Variants in PRH1 observed in about 807,000 individuals in gnomAD.
The protein encoded by PRH1 is salivary acidic proline-rich phosphoprotein 1/2.
A neutral mutation model predicts 7.9 loss-of-function variants in PRH1; 7 were observed. The observed-to-expected ratio is 0.89, with a 90% CI of 0.50 to 1.67. The LOEUF is 1.67. Ranked by LOEUF, PRH1 falls within the 40% of genes most tolerant of loss-of-function variation. The pLI is 0.00. For missense variants in PRH1, 109 were observed against 223.6 expected (o/e 0.49, Z 3.27); for synonymous variants, 45 against 80.8 (o/e 0.56, Z 2.38).
chr12:10,962,862 T>C (rs868843642), intron 2 of PRH1, among the ~76,000 whole-genome samples: 1 of 152,180 alleles, frequency 6.6e-6, no homozygotes, highest in Non-Finnish European at 1.5e-5. Context: ...CTCCGCCTCC[T>C]GGGTTCATGC....
At chr12:10,920,533 A>G (rs1397003312) in intron 2 of PRH1, among the ~76,000 whole-genome samples, 1 of 152,102 alleles carries the variant, frequency 6.6e-6, no homozygotes, top group Non-Finnish European at 1.5e-5. Flanking sequence ...TAAGAAAGGG[A>G]ATTTTTTTAA....
intron 1 of PRH1, among the ~76,000 whole-genome samples, chr12:11,151,329 C>T (rs929122325): frequency 5.3e-5 from 8 of 151,576 alleles, no homozygotes; most frequent in African/African-American, 7.3e-5. Flanking sequence ...GCTGCTCTCT[C>T]GGGATCTTGC....
intron 2 of PRH1, among the ~76,000 whole-genome samples, chr12:10,971,542 T>C (rs141346474): frequency 7.9e-5 from 12 of 152,306 alleles, no homozygotes; most frequent in African/African-American, 2.2e-4. Context: ...TTCTCAACTT[T>C]AGCTATGAAA....
intron 1 of PRH1, among the ~76,000 whole-genome samples, chr12:11,132,010 G>A (rs1012676270): frequency 2.0e-5 from 3 of 152,098 alleles, no homozygotes; most frequent in South Asian, 2.1e-4. Flanking sequence ...ATTGTACTGA[G>A]GAAGATACAT....
intron 1 of PRH1, among the ~76,000 whole-genome samples, chr12:11,021,072 A>G (rs1454397034): frequency 2.0e-5 from 3 of 150,472 alleles, no homozygotes; most frequent in Non-Finnish European, 4.4e-5. Flanking sequence ...CTGTTTTGGT[A>G]TACATATACA....
intron 1 of PRH1, among the ~76,000 whole-genome samples, chr12:11,017,041 T>C (rs1941328659): frequency 1.3e-5 from 2 of 152,248 alleles, no homozygotes; most frequent in Admixed American, 1.3e-4. Flanking sequence ...TTTAAATCAC[T>C]ACTTACAAAT....
At chr12:11,042,864 C>T (rs1565585955) in intron 1 of PRH1, among the ~76,000 whole-genome samples, 1 of 151,826 alleles carries the variant, frequency 6.6e-6, no homozygotes, top group Non-Finnish European at 1.5e-5. Flanking sequence ...CTCCTGACCT[C>T]GTGATCCACC....
intron 1 of PRH1, among the ~76,000 whole-genome samples, chr12:11,164,795 T>G (rs909071750): frequency 1.3e-5 from 2 of 152,226 alleles, no homozygotes; most frequent in Admixed American, 1.3e-4. Context: ...ATATAATTTT[T>G]ATAAATTATA....
chr12:11,024,671 T>A (rs1418255498), intron 1 of PRH1, among the ~76,000 whole-genome samples: 1 of 152,086 alleles, frequency 6.6e-6, no homozygotes, highest in Non-Finnish European at 1.5e-5. Context: ...TTTACTGTAA[T>A]TATTTATCCA....
At chr12:10,972,935 C>CCCCCCCCCCCCCCCCCCCCCCCCCCCCCA (rs1555119327) in intron 2 of PRH1, among the ~76,000 whole-genome samples, 1 of 123,070 alleles carries the variant, frequency 8.1e-6, no homozygotes, top group African/African-American at 3.0e-5. Context: ...ACAACCCACC[C>CCCCCCCCCCCCCCCCCCCCCCCCCCCCCA]CCCCCGCCCG....
chr12:11,100,632 A>G (rs928475652), intron 1 of PRH1, among the ~76,000 whole-genome samples: 5 of 152,230 alleles, frequency 3.3e-5, no homozygotes, highest in Admixed American at 6.5e-5. Context: ...TCAAATAGTA[A>G]AACAGTACTT....
intron 1 of PRH1, among the ~76,000 whole-genome samples, chr12:11,098,736 G>C (rs1157406786): frequency 6.6e-6 from 1 of 152,152 alleles, no homozygotes; most frequent in East Asian, 1.9e-4. Flanking sequence ...ATTTTCTTGA[G>C]AACCACAGGC....
At chr12:10,891,459 C>T (rs529307371) in intron 2 of PRH1, 1 of 152,306 alleles carries the variant, frequency 6.6e-6, no homozygotes, top group African/African-American at 2.4e-5. Context: ...TAATGAGCAA[C>T]ATAATAGAAG....
intron 1 of PRH1, among the ~76,000 whole-genome samples, chr12:11,016,176 C>T (rs1941285664): frequency 6.6e-6 from 1 of 152,164 alleles, no homozygotes. Flanking sequence ...ATTCAACTGT[C>T]TGATAGATAA....
At chr12:11,051,882 C>T (rs1278516515), upstream of PRH1, among the ~76,000 whole-genome samples, 1 of 150,636 alleles carries the variant, frequency 6.6e-6, no homozygotes, top group East Asian at 2.0e-4. Flanking sequence ...ATTTATTCAT[C>T]CTTATTTGAT....
chr12:10,929,907 C>G (rs912359068), intron 2 of PRH1, among the ~76,000 whole-genome samples: 5 of 152,066 alleles, frequency 3.3e-5, no homozygotes, highest in Non-Finnish European at 5.9e-5. Flanking sequence ...TCTGGTGGCT[C>G]CTGTTGAGAA....
chr12:10,929,297 G>A (rs374675015), intron 2 of PRH1: 265 of 1,614,052 alleles, frequency 1.6e-4, no homozygotes, highest in Non-Finnish European at 2.2e-4. Flanking sequence ...TGCTGTCAGT[G>A]GCCCTGCTGG....
chr12:10,962,979 C>T (rs2135936173), intron 2 of PRH1, among the ~76,000 whole-genome samples: 1 of 152,326 alleles, frequency 6.6e-6, no homozygotes, highest in African/African-American at 2.4e-5. Flanking sequence ...ACAGCGTTAG[C>T]CAGGACGGTC....
Position 11,133,330 on chromosome 12 carries a change from G to C in PRH1, n.40-12150C>G, listed in dbSNP as rs753869815. 6 of 1,613,688 alleles carry C rather than the reference G, an allele frequency of 3.7e-6. No homozygotes were observed. The Admixed American group carries it at 1.0e-4, about 27-fold the overall frequency. On this transcript the variant is annotated intron_variant and non_coding_transcript_variant, in intron 1 of 1. Coordinates refer to the PRH1 transcript ENST00000541175. ...CTCTTGTGAATCTATGGAGACGAAG[G>C]CTTCTGTCTTTCACCCAGTACCTCA...
Sources: allele counts gnomAD v4.1 joint callset (sites outside exome capture counted in the v4.1 genomes callset), GRCh38; gene constraint gnomAD v4.1.1; transcripts MANE v1.5; gene names NCBI Gene and HGNC (gene_info 2026-07-23, HGNC 2026-07-21).